The following TENM2 variants were observed in gnomAD, a reference collection of about 807,000 sequenced individuals.
TENM2 encodes the protein teneurin-2.
In TENM2, 52 loss-of-function variants were observed where a neutral mutation model predicts 245.2. The observed-to-expected ratio is 0.21, with a 90% confidence interval of 0.17 to 0.27. The LOEUF is 0.27. Ranked by LOEUF, TENM2 falls within the 10% of genes least tolerant of loss-of-function variation. The pLI is 1.00. For missense variants in TENM2, 3,046 were observed against 3,666.8 expected (o/e 0.83, Z 4.37); for synonymous variants, 1,363 against 1,438.9 (o/e 0.95, Z 1.19).
intron 2 of TENM2, among the ~76,000 whole-genome samples, chr5:167,456,042 G>A (rs1321242826): frequency 6.6e-6 from 1 of 152,110 alleles, no homozygotes; most frequent in Non-Finnish European, 1.5e-5. Context: ...ATCCTTAAGA[G>A]GGACTATCAT....
chr5:168,060,388 T>A (rs1789937132), intron 6 of TENM2, among the ~76,000 whole-genome samples: 1 of 152,160 alleles, frequency 6.6e-6, no homozygotes, highest in Non-Finnish European at 1.5e-5. Context: ...CACTCTAGCC[T>A]AGGCAACAGA....
intron 3 of TENM2, 186 bp from the exon 6 acceptor site, chr5:167,952,402 A>G (rs1780181186): frequency 9.9e-6 from 6 of 603,558 alleles, no homozygotes; most frequent in Non-Finnish European, 1.8e-5. Flanking sequence ...AATGCAAATC[A>G]AAGCCCATTA....
chr5:167,975,468 C>T (rs1445402143), intron 4 of TENM2, among the ~76,000 whole-genome samples: 9 of 148,362 alleles, frequency 6.1e-5, no homozygotes, highest in African/African-American at 2.0e-4. Flanking sequence ...TTTTTTTTGA[C>T]GACTGAAATA....
intron 2 of TENM2, among the ~76,000 whole-genome samples, chr5:167,676,440 C>T (rs1756336586): frequency 6.6e-6 from 1 of 152,066 alleles, no homozygotes. Context: ...TGCACCTGCT[C>T]TTTATTCTTA....
chr5:167,881,090 T>C (rs1295817019), intron 3 of TENM2, among the ~76,000 whole-genome samples: 2 of 152,200 alleles, frequency 1.3e-5, no homozygotes, highest in African/African-American at 4.8e-5. Context: ...GAAGTCAATA[T>C]TTTTAACTTA....
rs866573348 is a variant in TENM2, at chr5:167,707,009, C to T, written c.503-168977C>T. Among the ~76,000 whole-genome samples, 92 of 128,914 alleles carry T rather than the reference C, an allele frequency of 7.1e-4. 1 individual carries two copies. The highest frequency in any genetic ancestry group is 2.8e-3 in the African/African-American group (89 of 31,456). The allele number at this position is 128,914 out of a possible 152,430, so 84.6% of individuals were successfully genotyped here. On this transcript the variant is annotated intron_variant, in intron 2 of 28. Transcript: ENST00000518659. The stretch of plus-strand genomic sequence containing the variant: ...CATCCTGGGCGACAGAGTGAGACTC[C>T]GCCTAAAAAAAAAAAAAAAAAAAAA...
chr5:167,478,469 C>T (rs1767540624), intron 2 of TENM2, among the ~76,000 whole-genome samples: 1 of 152,132 alleles, frequency 6.6e-6, no homozygotes, highest in Non-Finnish European at 1.5e-5. Context: ...GGCTTTTTCC[C>T]CTCCTTGTAG....
chr5:167,634,222 T>C (rs1215723863), intron 2 of TENM2, among the ~76,000 whole-genome samples: 1 of 152,210 alleles, frequency 6.6e-6, no homozygotes, highest in African/African-American at 2.4e-5. Flanking sequence ...GGCCAGTGAC[T>C]GCATTCCAAT....
At chr5:168,043,689 T>G (rs1788386218) in intron 5 of TENM2, among the ~76,000 whole-genome samples, 1 of 152,202 alleles carries the variant, frequency 6.6e-6, no homozygotes, top group Non-Finnish European at 1.5e-5. Context: ...CTTATAACAG[T>G]AACAGTTCAT....
chr5:167,708,977 C>T (rs1758723905), intron 2 of TENM2, among the ~76,000 whole-genome samples: 1 of 152,088 alleles, frequency 6.6e-6, no homozygotes. Context: ...ATGGGCGAGT[C>T]TAGCACTTCC....
chr5:168,086,710 C>T (rs1792489799), intron 7 of TENM2, among the ~76,000 whole-genome samples: 1 of 152,174 alleles, frequency 6.6e-6, no homozygotes, highest in African/African-American at 2.4e-5. Flanking sequence ...CTTTAGTCAA[C>T]GAGGCACAGT....
chr5:167,239,341 C>T, the TENM2 span, among the ~76,000 whole-genome samples: 4 of 152,334 alleles, frequency 2.6e-5, no homozygotes, highest in South Asian at 2.1e-4. Context: ...ACACTTCCAA[C>T]TCCAGTGCTA....
intron 13 of TENM2, among the ~76,000 whole-genome samples, chr5:168,180,911 A>T (rs1374185987): frequency 4.1e-5 from 2 of 49,214 alleles, no homozygotes; most frequent in South Asian, 8.1e-4. Context: ...TTAAAATTTA[A>T]AAAAAAAAAA....
chr5:167,708,845 A>G (rs1185108532), intron 2 of TENM2, among the ~76,000 whole-genome samples: 1 of 152,194 alleles, frequency 6.6e-6, no homozygotes, highest in Non-Finnish European at 1.5e-5. Context: ...CATAAAGCAC[A>G]ATGGGAGTAT....
At chr5:166,990,945 A>C in the TENM2 span, among the ~76,000 whole-genome samples, 33 of 152,270 alleles carry the variant, frequency 2.2e-4, no homozygotes, top group African/African-American at 7.9e-4. Flanking sequence ...AAGAAGGCTC[A>C]TCATGTTGAG....
At chr5:167,434,011 AT>A (rs1764394300) in intron 2 of TENM2, among the ~76,000 whole-genome samples, 2 of 152,210 alleles carry the variant, frequency 1.3e-5, no homozygotes, top group South Asian at 4.1e-4. Context: ...CTACAAAAAA[AT>A]TTAATATGAA....
At chr5:168,098,038 A>G in exon 9 of TENM2, 1 of 1,612,756 alleles carries the variant, frequency 6.2e-7, no homozygotes, top group Admixed American at 1.7e-5. Context: ...TCAGTGCAGG[A>G]CTGTCCACGT....
chr5:167,087,594 C>T, the TENM2 span, among the ~76,000 whole-genome samples: 2 of 152,154 alleles, frequency 1.3e-5, no homozygotes, highest in African/African-American at 4.8e-5. Flanking sequence ...ACCTTGCATA[C>T]AATAGGTGCT....
At chr5:167,186,134 A>G in the TENM2 span, among the ~76,000 whole-genome samples, 1 of 152,116 alleles carries the variant, frequency 6.6e-6, no homozygotes, top group Non-Finnish European at 1.5e-5. Flanking sequence ...AGTTCAATCA[A>G]CCCTTTTAAA....
Sources: gnomAD v4.1 joint callset for allele counts (sites outside exome capture counted in the v4.1 genomes callset) on GRCh38, gnomAD v4.1.1 for gene constraint, MANE v1.5 for transcripts, NCBI Gene and HGNC (gene_info 2026-07-23, HGNC 2026-07-21) for gene names.